Variants in PCDH7 observed in about 807,000 individuals in gnomAD.
PCDH7 encodes protocadherin 7, also known as protocadherin-7.
PCDH7 carries 17 observed loss-of-function variants against 58.9 expected under a neutral mutation model. The observed-to-expected ratio is 0.29, with a 90% CI of 0.20 to 0.43. The LOEUF (loss-of-function observed/expected upper bound fraction) is 0.43. PCDH7 is among the 20% of genes least tolerant of loss of function. The pLI, the probability that PCDH7 is intolerant of heterozygous loss-of-function variation, is 1.00. For missense variants in PCDH7, 1,274 were observed against 1,441.0 expected (o/e 0.88, Z 1.88); for synonymous variants, 664 against 616.4 (o/e 1.08, Z -1.14).
At chr4:31,126,838 C>A (rs1001131849) in intron 3 of PCDH7, among the ~76,000 whole-genome samples, 1 of 152,092 alleles carries the variant, frequency 6.6e-6, no homozygotes, top group Non-Finnish European at 1.5e-5. Flanking sequence ...GCTAACAATG[C>A]CTGTAATTTT....
intron 1 of PCDH7, among the ~76,000 whole-genome samples, chr4:30,906,373 C>T (rs1740925946): frequency 6.6e-6 from 1 of 152,126 alleles, no homozygotes; most frequent in African/African-American, 2.4e-5. Flanking sequence ...TCCCATATTT[C>T]ACACAACATC....
At chr4:30,893,948 A>T (rs35309740) in intron 1 of PCDH7, among the ~76,000 whole-genome samples, 1 of 151,904 alleles carries the variant, frequency 6.6e-6, no homozygotes, top group African/African-American at 2.4e-5. Flanking sequence ...TGGTACAGGG[A>T]GGCCACCAAT....
At chr4:30,827,288 A>G (rs2109327056) in intron 1 of PCDH7, among the ~76,000 whole-genome samples, 1 of 152,276 alleles carries the variant, frequency 6.6e-6, no homozygotes, top group East Asian at 1.9e-4. Context: ...TTTCCATTTG[A>G]AAGCTAAGGC....
intron 3 of PCDH7, among the ~76,000 whole-genome samples, chr4:31,006,579 T>A (rs1237433064): frequency 2.0e-5 from 3 of 152,024 alleles, no homozygotes; most frequent in Non-Finnish European, 4.4e-5. Context: ...ATAATGTGAG[T>A]TTAACTCATG....
chr4:30,815,927 T>C (rs570896750), intron 1 of PCDH7, among the ~76,000 whole-genome samples: 6 of 152,328 alleles, frequency 3.9e-5, no homozygotes, highest in Non-Finnish European at 8.8e-5. Flanking sequence ...AATGTCTGCC[T>C]AGCTACCAAC....
At chr4:31,000,654 C>G (rs960816049) in intron 3 of PCDH7, among the ~76,000 whole-genome samples, 4 of 151,912 alleles carry the variant, frequency 2.6e-5, no homozygotes, top group African/African-American at 7.2e-5. Flanking sequence ...CTTATTTTTT[C>G]CCTCTATTCC....
chr4:30,904,009 G>T (rs913879325), intron 1 of PCDH7, among the ~76,000 whole-genome samples: 2 of 152,052 alleles, frequency 1.3e-5, no homozygotes, highest in Admixed American at 1.3e-4. Flanking sequence ...AATGACATGT[G>T]ATTTGCAGTG....
At chr4:30,896,860 ACTTGT>A (rs1048938253) in intron 1 of PCDH7, among the ~76,000 whole-genome samples, 5 of 108,728 alleles carry the variant, frequency 4.6e-5, no homozygotes, top group African/African-American at 1.8e-4. Flanking sequence ...AACCCTTTCC[ACTTGT>A]CTTGTGCCCC....
Position 30,969,517 on chromosome 4 carries a change from AC to A in PCDH7, c.*7+19303del, listed in dbSNP as rs1749362367. ...ATTCAGAGAAGACTAGCAATATGAA[AC>A]AAGGATTAATGAAAGAGGTTGTCCA... On this transcript the variant is annotated intron_variant, in intron 3 of 3. Transcript: ENST00000509759. Among the ~76,000 whole-genome samples, 3 of 152,178 alleles carry A rather than the reference AC, an allele frequency of 2.0e-5. No individual in the cohort carries two copies. In the South Asian group the frequency reaches 6.2e-4, roughly 32 times the overall value.
intron 3 of PCDH7, among the ~76,000 whole-genome samples, chr4:31,130,302 T>C (rs541450774): frequency 1.3e-5 from 2 of 152,302 alleles, no homozygotes; most frequent in African/African-American, 4.8e-5. Context: ...TGATTGATCA[T>C]ATACAAATAA....
rs1260719262 is a variant in PCDH7 at position 31,079,343 on chromosome 4, TATATATATATATATATATATAC to T, written c.*8-63128_*8-63107del. ...ATATATATATATATATATATATATA[TATATATATATATATATATATAC>T]ACCACATTTTCAAAATAGACAGAAT... On this transcript the variant is annotated intron_variant, in intron 3 of 3. Coordinates refer to the PCDH7 transcript ENST00000509759. Among the ~76,000 whole-genome samples, 112 of 68,036 alleles carry T rather than the reference TATATATATATATATATATATAC, an allele frequency of 1.6e-3. 2 individuals carry two copies. Among genetic ancestry groups the T allele is most frequent in the African/African-American group, 6.6e-3 (92 of 13,926 alleles). 44.6% of individuals were successfully genotyped at this position (68,036 alleles called of 152,430 possible). A position where few individuals can be genotyped will look rare whatever the true frequency, so the allele number is the denominator to read the frequency against.
chr4:31,116,646 A>C (rs893166237), intron 3 of PCDH7, among the ~76,000 whole-genome samples: 1 of 152,238 alleles, frequency 6.6e-6, no homozygotes, highest in Admixed American at 6.5e-5. Flanking sequence ...TCTCAAATGC[A>C]AGTTGAATAC....
intron 3 of PCDH7, among the ~76,000 whole-genome samples, chr4:31,056,446 GAAAGAAAGAAAGAA>G (rs1560608472): frequency 2.5e-4 from 9 of 36,194 alleles, no homozygotes; most frequent in Admixed American, 1.0e-3. Context: ...AAGAAGGAAA[GAAAGAAAGAAAGAA>G]GAAAGAAAGA....
At chr4:30,752,702 A>G (rs1274744958) in intron 1 of PCDH7, among the ~76,000 whole-genome samples, 1 of 146,408 alleles carries the variant, frequency 6.8e-6, no homozygotes, top group African/African-American at 2.5e-5. Flanking sequence ...TCAGTGATTA[A>G]TGGTGACTAA....
chr4:30,826,126 C>T (rs939157631), intron 1 of PCDH7, among the ~76,000 whole-genome samples: 1 of 152,112 alleles, frequency 6.6e-6, no homozygotes, highest in Non-Finnish European at 1.5e-5. Context: ...AACACAATGG[C>T]AGATCATAAG....
At chr4:30,981,965 G>A (rs1279077908) in intron 3 of PCDH7, among the ~76,000 whole-genome samples, 1 of 152,132 alleles carries the variant, frequency 6.6e-6, no homozygotes, top group Non-Finnish European at 1.5e-5. Context: ...AAACAGACAG[G>A]AGGAATAAGT....
intron 3 of PCDH7, among the ~76,000 whole-genome samples, chr4:31,114,034 A>C (rs1265365811): frequency 6.6e-6 from 1 of 151,914 alleles, no homozygotes; most frequent in South Asian, 2.1e-4. Context: ...GGGTTTCACC[A>C]TGTTGGCCAG....
chr4:30,999,385 C>T (rs2109135022), intron 3 of PCDH7, among the ~76,000 whole-genome samples: 1 of 152,180 alleles, frequency 6.6e-6, no homozygotes, highest in South Asian at 2.1e-4. Flanking sequence ...GTTGATTACA[C>T]AAAATTTCCT....
At chr4:30,800,229 G>T (rs886463070) in intron 1 of PCDH7, among the ~76,000 whole-genome samples, 3 of 151,838 alleles carry the variant, frequency 2.0e-5, no homozygotes, top group Non-Finnish European at 4.4e-5. Flanking sequence ...GGGGTCATGA[G>T]CTGACTTGAC....
Sources: gnomAD v4.1 joint callset for allele counts (sites outside exome capture counted in the v4.1 genomes callset) on GRCh38, gnomAD v4.1.1 for gene constraint, MANE v1.5 for transcripts, NCBI Gene and HGNC (gene_info 2026-07-23, HGNC 2026-07-21) for gene names.